Variants in DOCK9 observed in about 807,000 individuals in gnomAD.
DOCK9 encodes dedicator of cytokinesis protein 9.
DOCK9 carries 89 observed loss-of-function variants against 263.3 expected under a neutral mutation model. The observed-to-expected ratio is 0.34, with a 90% CI of 0.28 to 0.40. DOCK9 has a LOEUF of 0.40. Ranked by LOEUF, DOCK9 falls within the 10% of genes least tolerant of loss-of-function variation. The pLI is 1.00. For missense variants in DOCK9, 2,140 were observed against 2,603.4 expected, an observed-to-expected ratio of 0.82 and a Z score of 3.87; for synonymous variants, 976 against 973.1, an observed-to-expected ratio of 1.00 and a Z score of -0.06.
chr13:98,894,603 G>A (rs981020081), intron 15 of DOCK9, among the ~76,000 whole-genome samples: 1 of 151,906 alleles, frequency 6.6e-6, no homozygotes, highest in African/African-American at 2.4e-5. Context: ...TTGAGCGAAG[G>A]AAAATATTGA....
chr13:98,825,750 G>T lies in DOCK9; in HGVS notation c.5023+1080C>A. The T allele has an allele frequency of 1.7e-6, 1 of 605,314 alleles. No individual in the cohort carries two copies. The highest frequency in any genetic ancestry group is 2.7e-6 in the Non-Finnish European group (1 of 377,320). 37.5% of individuals were successfully genotyped at this position (605,314 alleles called of 1,614,324 possible). ...TAGACCAGCCAACCAGAGAGCCACA[G>T]AGTAGGAGGGAAGGAGAGTGAAGTC... On this transcript the variant is annotated intron_variant, in intron 44 of 52. Coordinates refer to ENST00000682017, the MANE Select transcript of DOCK9 (RefSeq NM_001366683.2). The surrounding 1 kb of genome is among the most constrained non-coding windows in gnomAD (Gnocchi z 4.1).
chr13:99,017,049 T>C (rs1885506194), intron 1 of DOCK9, among the ~76,000 whole-genome samples: 1 of 152,228 alleles, frequency 6.6e-6, no homozygotes, highest in Non-Finnish European at 1.5e-5. Context: ...CTCTCTCCTG[T>C]ATTTTTATGC....
At chr13:99,010,304 G>C (rs1418645706) in intron 1 of DOCK9, among the ~76,000 whole-genome samples, 1 of 152,230 alleles carries the variant, frequency 6.6e-6, no homozygotes, top group Non-Finnish European at 1.5e-5. Flanking sequence ...GTAGCTATGA[G>C]TAAAATAGGT....
At chr13:98,831,948 G>A in intron 39 of DOCK9, 162 bp from the exon 40 acceptor site, 1 of 829,224 alleles carries the variant, frequency 1.2e-6, no homozygotes, top group South Asian at 2.1e-5. Flanking sequence ...TTCTTTTGTA[G>A]AACAAGCAAA....
At chr13:98,811,390 A>G (rs2140274267) in intron 45 of DOCK9, among the ~76,000 whole-genome samples, 1 of 151,274 alleles carries the variant, frequency 6.6e-6, no homozygotes, top group African/African-American at 2.4e-5. Flanking sequence ...GGTGATTTGT[A>G]ACTATTTCTC....
chr13:99,034,376 A>C (rs1460011848), intron 1 of DOCK9, among the ~76,000 whole-genome samples: 1 of 151,872 alleles, frequency 6.6e-6, no homozygotes, highest in Non-Finnish European at 1.5e-5. Context: ...CAGCCCCTTG[A>C]TATACTGTGT....
At chr13:99,035,891 G>C (rs77317336) in intron 1 of DOCK9, among the ~76,000 whole-genome samples, 1 of 152,078 alleles carries the variant, frequency 6.6e-6, no homozygotes, top group South Asian at 2.1e-4. Context: ...TAATCTGGGA[G>C]GGCCTCATCC....
At chr13:98,849,412 C>G (rs2093492535) in intron 36 of DOCK9, among the ~76,000 whole-genome samples, 1 of 148,478 alleles carries the variant, frequency 6.7e-6, no homozygotes, top group Admixed American at 6.9e-5. Flanking sequence ...TTATTATGAA[C>G]AATAATAGTT....
chr13:98,813,626 TA>T (rs1441588677), intron 45 of DOCK9, among the ~76,000 whole-genome samples: 1 of 152,002 alleles, frequency 6.6e-6, no homozygotes, highest in Non-Finnish European at 1.5e-5. Context: ...TACTAATATA[TA>T]TTTTTTTAAT....
intron 1 of DOCK9, among the ~76,000 whole-genome samples, chr13:99,043,663 C>T (rs939862939): frequency 2.6e-5 from 4 of 152,220 alleles, no homozygotes; most frequent in Admixed American, 6.5e-5. Context: ...TCTTGTCCAC[C>T]GGGGTAAGGG....
rs187306567 is a variant in DOCK9, at chr13:98,883,605, G to A, written c.2469+208C>T. Among the ~76,000 whole-genome samples, 19 of 152,286 alleles carry A rather than the reference G, an allele frequency of 1.2e-4. 1 individual carries two copies. The East Asian group carries it at 3.3e-3, about 26-fold the overall frequency. On this transcript the variant is annotated intron_variant, in intron 22 of 52. Transcript: ENST00000682017. ...AATAACATCAAGAAGATCCTCCAAT[G>A]AAAGGGGAAATCTGTTGCAAAATGA...
At chr13:98,998,489 G>A (rs1305301717) in intron 1 of DOCK9, among the ~76,000 whole-genome samples, 7 of 152,130 alleles carry the variant, frequency 4.6e-5, no homozygotes, top group African/African-American at 9.7e-5. Flanking sequence ...TGAATGATCC[G>A]GGCAGAGTCT....
intron 1 of DOCK9, among the ~76,000 whole-genome samples, chr13:99,008,811 C>T (rs1444869971): frequency 6.6e-6 from 1 of 152,146 alleles, no homozygotes; most frequent in Non-Finnish European, 1.5e-5. Context: ...TTTAAGGCCA[C>T]AGTACTATAA....
intron 2 of DOCK9, among the ~76,000 whole-genome samples, chr13:98,953,713 T>G (rs1177215953): frequency 6.6e-6 from 1 of 152,248 alleles, no homozygotes; most frequent in Non-Finnish European, 1.5e-5. Context: ...TTTCATTTGT[T>G]GCCAAATCAC....
At chr13:98,923,144 A>G (rs1411882353) in intron 5 of DOCK9, among the ~76,000 whole-genome samples, 158 bp downstream of exon 5, 1 of 152,210 alleles carries the variant, frequency 6.6e-6, no homozygotes, top group East Asian at 1.9e-4. Flanking sequence ...TATTCCAATC[A>G]ATCAATAACA....
intron 2 of DOCK9, chr13:98,949,976 C>G: frequency 2.0e-6 from 1 of 492,460 alleles, no homozygotes; most frequent in Non-Finnish European, 4.0e-6. Flanking sequence ...CATTCTTGAC[C>G]TTGGCTTGTT....
intron 2 of DOCK9, among the ~76,000 whole-genome samples, chr13:98,935,070 AAGTT>A (rs2054599964): frequency 1.3e-5 from 2 of 152,196 alleles, no homozygotes; most frequent in African/African-American, 4.8e-5. Flanking sequence ...TGAGAGAAAA[AAGTT>A]AGGGAGTCTA....
chr13:98,911,739 A>G (rs1422940119), intron 9 of DOCK9, among the ~76,000 whole-genome samples: 2 of 152,054 alleles, frequency 1.3e-5, no homozygotes, highest in African/African-American at 4.8e-5. Context: ...TCTACTAGAA[A>G]TACAAAAATT....
intron 1 of DOCK9, among the ~76,000 whole-genome samples, chr13:99,021,668 G>A (rs1190062797): frequency 1.3e-5 from 2 of 151,372 alleles, no homozygotes; most frequent in Non-Finnish European, 2.9e-5. Flanking sequence ...AGAGGGAAAT[G>A]GGGATGTTGA....
Sources: allele counts gnomAD v4.1 joint callset (sites outside exome capture counted in the v4.1 genomes callset), GRCh38; gene constraint gnomAD v4.1.1; non-coding constraint Gnocchi (gnomAD v3.1); transcripts MANE v1.5; gene names NCBI Gene and HGNC (gene_info 2026-07-23, HGNC 2026-07-21).